Variants in CNTN5 observed in about 807,000 individuals in gnomAD.
CNTN5 encodes contactin 5.
A neutral mutation model predicts 129.1 loss-of-function variants in CNTN5; 77 were observed. The ratio of observed to expected loss-of-function variants is 0.60; its 90% CI spans 0.50 to 0.72. The LOEUF (loss-of-function observed/expected upper bound fraction) is 0.72, where lower values mean the gene tolerates loss of function less well. Among genes scored for constraint, CNTN5 ranks in the 30% least tolerant of loss-of-function variants. The pLI is 0.00. For synonymous variants in CNTN5, 509 were observed against 465.6 expected (o/e 1.09, Z -1.20); for missense variants, 1,478 against 1,328.8 (o/e 1.11, Z -1.75).
At chr11:99,936,626 G>C (rs1367862577) in intron 7 of CNTN5, among the ~76,000 whole-genome samples, 1 of 152,156 alleles carries the variant, frequency 6.6e-6, no homozygotes, top group African/African-American at 2.4e-5. Flanking sequence ...CTTGCTGCAA[G>C]GTTGACATCC....
chr11:100,343,916 C>A (rs1223865240), intron 23 of CNTN5, among the ~76,000 whole-genome samples: 2 of 152,040 alleles, frequency 1.3e-5, no homozygotes, highest in Admixed American at 6.6e-5. Flanking sequence ...AAAATAGGGA[C>A]ACAGGACACT....
chr11:99,547,638 G>T (rs558985865), intron 2 of CNTN5, among the ~76,000 whole-genome samples: 3 of 152,144 alleles, frequency 2.0e-5, no homozygotes, highest in Non-Finnish European at 4.4e-5. Flanking sequence ...AAAATCTAAA[G>T]TTAATTGCAT....
At chr11:100,277,884 C>A (rs1447182480) in intron 18 of CNTN5, among the ~76,000 whole-genome samples, 1 of 152,022 alleles carries the variant, frequency 6.6e-6, no homozygotes, top group Admixed American at 6.6e-5. Flanking sequence ...GAAGTCTTTG[C>A]CTACTCCGTT....
At chr11:99,137,366 T>C (rs1207784398) in intron 1 of CNTN5, among the ~76,000 whole-genome samples, 1 of 152,176 alleles carries the variant, frequency 6.6e-6, no homozygotes, top group East Asian at 1.9e-4. Context: ...GAACTGTTTC[T>C]GGTCTCTCAA....
At chr11:99,973,120 G>A (rs148771570) in intron 8 of CNTN5, among the ~76,000 whole-genome samples, 241 of 152,130 alleles carry the variant, frequency 1.6e-3, no homozygotes, top group African/African-American at 5.0e-3. Flanking sequence ...CAGATTCCTG[G>A]TTCTCCCTTA....
chr11:100,151,195 A>T (rs986903258), intron 13 of CNTN5, among the ~76,000 whole-genome samples: 2 of 149,088 alleles, frequency 1.3e-5, no homozygotes, highest in African/African-American at 5.0e-5. Flanking sequence ...TGTTGTGTGT[A>T]ATTAAACTTG....
chr11:99,999,820 C>T (rs9794937), intron 8 of CNTN5, among the ~76,000 whole-genome samples: 5,623 of 151,788 alleles, frequency 0.037, 216 homozygotes, highest in East Asian at 0.19. Flanking sequence ...TGGAATACTA[C>T]GCAGCCATAA....
intron 16 of CNTN5, among the ~76,000 whole-genome samples, chr11:100,229,852 G>A (rs192092091): frequency 1.3e-5 from 2 of 152,130 alleles, no homozygotes; most frequent in African/African-American, 2.4e-5. Context: ...GAGCATAGAG[G>A]TTGCGTAGTT....
chr11:100,005,633 C>T (rs1247769418), intron 9 of CNTN5, among the ~76,000 whole-genome samples: 2 of 152,116 alleles, frequency 1.3e-5, no homozygotes, highest in East Asian at 3.8e-4. Flanking sequence ...GTTGTACTTA[C>T]TGTTTAACAT....
chr11:100,051,391 TAAC>T (rs1337155504), intron 9 of CNTN5, among the ~76,000 whole-genome samples: 2 of 151,962 alleles, frequency 1.3e-5, no homozygotes, highest in Non-Finnish European at 2.9e-5. Context: ...CACATCTAAA[TAAC>T]AAAATGATCA....
intron 13 of CNTN5, among the ~76,000 whole-genome samples, chr11:100,168,157 A>T (rs1947703040): frequency 6.6e-6 from 1 of 152,034 alleles, no homozygotes. Flanking sequence ...AATCATCTCC[A>T]TAACATAAAA....
At chr11:100,041,540 A>G (rs755584244) in intron 9 of CNTN5, among the ~76,000 whole-genome samples, 3 of 152,188 alleles carry the variant, frequency 2.0e-5, no homozygotes, top group African/African-American at 7.2e-5. Flanking sequence ...CTGCTTTGGC[A>G]TGTGATTCTC....
chr11:99,542,774 T>C (rs1948160254), intron 2 of CNTN5, among the ~76,000 whole-genome samples: 1 of 152,154 alleles, frequency 6.6e-6, no homozygotes, highest in East Asian at 1.9e-4. Flanking sequence ...AATGGACAGG[T>C]CCTTGTACCA....
At chr11:100,327,701 T>C (rs903024672) in intron 21 of CNTN5, among the ~76,000 whole-genome samples, 1 of 152,166 alleles carries the variant, frequency 6.6e-6, no homozygotes, top group African/African-American at 2.4e-5. Flanking sequence ...CTAGGCACAG[T>C]GTTTGGTAAA....
At chr11:100,146,966 A>G (rs904581993) in intron 13 of CNTN5, among the ~76,000 whole-genome samples, 3 of 152,192 alleles carry the variant, frequency 2.0e-5, no homozygotes, top group East Asian at 1.9e-4. Context: ...CATATTTTGC[A>G]TAGGCTATTT....
At chr11:99,117,616 G>A (rs186364651) in intron 1 of CNTN5, among the ~76,000 whole-genome samples, 1 of 152,202 alleles carries the variant, frequency 6.6e-6, no homozygotes, top group Admixed American at 6.5e-5. Flanking sequence ...AAAATTCATA[G>A]GTAGAAGCCC....
At chr11:99,774,974 C>T (rs893544701) in intron 3 of CNTN5, among the ~76,000 whole-genome samples, 6 of 152,026 alleles carry the variant, frequency 3.9e-5, no homozygotes, top group African/African-American at 1.4e-4. Context: ...CACTTGAAAG[C>T]GTCACTTTGG....
At chr11:99,735,325 GATATTTTCTTACAT>G (rs1943670031) in intron 3 of CNTN5, among the ~76,000 whole-genome samples, 1 of 152,078 alleles carries the variant, frequency 6.6e-6, no homozygotes, top group Non-Finnish European at 1.5e-5. Context: ...CCTCTACTTT[GATATTTTCTTACAT>G]ATTTTCTCAA....
chr11:99,779,074 A>G (rs1248194106), intron 3 of CNTN5, among the ~76,000 whole-genome samples: 2 of 151,800 alleles, frequency 1.3e-5, no homozygotes, highest in African/African-American at 4.8e-5. Flanking sequence ...AATTAATACA[A>G]TTTCTTGAAA....
Sources: allele counts gnomAD v4.1 joint callset (sites outside exome capture counted in the v4.1 genomes callset), GRCh38; gene constraint gnomAD v4.1.1; transcripts MANE v1.5; gene names NCBI Gene and HGNC (gene_info 2026-07-23, HGNC 2026-07-21).